PREX1: variants seen among roughly 807,000 people sequenced by gnomAD.
PREX1 encodes phosphatidylinositol-3,4,5-trisphosphate dependent Rac exchange factor 1, also known as phosphatidylinositol 3,4,5-trisphosphate-dependent Rac exchanger 1 protein.
In PREX1, 41 loss-of-function variants were observed where a neutral mutation model predicts 198.3. The ratio of observed to expected loss-of-function variants is 0.21; its 90% confidence interval spans 0.16 to 0.27. The LOEUF (loss-of-function observed/expected upper bound fraction) is 0.27. PREX1 is among the 10% of genes least tolerant of loss of function. The pLI, the probability that PREX1 is intolerant of heterozygous loss-of-function variation, is 1.00. For missense variants in PREX1, 1,620 were observed against 2,200.7 expected (o/e 0.74, Z 5.28); for synonymous variants, 843 against 887.2 (o/e 0.95, Z 0.89).
chr20:48,828,434 C>T (rs1197498066), upstream of PREX1, among the ~76,000 whole-genome samples: 2 of 152,262 alleles, frequency 1.3e-5, no homozygotes, highest in Admixed American at 6.5e-5. Flanking sequence ...CAAGTAAACA[C>T]CGGGCTGGGA....
chr20:48,665,596 C>G (rs901353458), intron 15 of PREX1, among the ~76,000 whole-genome samples: 1 of 152,128 alleles, frequency 6.6e-6, no homozygotes, highest in Non-Finnish European at 1.5e-5. Flanking sequence ...GCTTCTATAC[C>G]CTCATCTATA....
Position 48,691,127 on chromosome 20 carries a change from G to A in PREX1, c.1037-31C>T, listed in dbSNP as rs771671599. 1 of 1,614,002 alleles carries A rather than the reference G, an allele frequency of 6.2e-7. No homozygotes were observed. The highest frequency in any genetic ancestry group is 1.1e-5 in the South Asian group (1 of 91,066). ...GGGGGCAGGAGGCAAAGGTGCAGCA[G>A]AGACTCAGCCGCGTGACCTTCAACA... On this transcript the variant is annotated intron_variant, in intron 8 of 39. Coordinates refer to ENST00000371941, the MANE Select transcript of PREX1 (RefSeq NM_020820.4). This position sits in a 1 kb window ranked among gnomAD's most constrained non-coding sequence, Gnocchi z 5.0.
intron 1 of PREX1, among the ~76,000 whole-genome samples, chr20:48,766,177 C>T (rs753730637): frequency 1.3e-5 from 2 of 152,120 alleles, no homozygotes; most frequent in Non-Finnish European, 2.9e-5. Context: ...ATAATAGAAA[C>T]AAAGTATACA....
intron 1 of PREX1, among the ~76,000 whole-genome samples, chr20:48,781,703 G>A (rs2090290568): frequency 6.6e-6 from 1 of 152,154 alleles, no homozygotes; most frequent in Non-Finnish European, 1.5e-5. Context: ...ACTCACTGTG[G>A]AATCCTGGGT....
intron 19 of PREX1, 45 bp from the exon 20 acceptor site, chr20:48,653,542 A>G: frequency 6.3e-7 from 1 of 1,581,568 alleles, no homozygotes; most frequent in East Asian, 2.3e-5. Context: ...AGGCAAGTAC[A>G]AGCAGCCCGC....
chr20:48,850,660 A>G, the PREX1 span, among the ~76,000 whole-genome samples: 1 of 152,056 alleles, frequency 6.6e-6, no homozygotes, highest in Admixed American at 6.5e-5. Flanking sequence ...AAGAGGGGAA[A>G]CTTATTTCAA....
chr20:48,642,070 C>A (rs536448540), intron 29 of PREX1, 98 bp downstream of exon 29: 1 of 1,255,190 alleles, frequency 8.0e-7, no homozygotes, highest in African/African-American at 1.5e-5. Flanking sequence ...AGTCGTTCAG[C>A]AGTAGGAGGG....
intron 5 of PREX1, among the ~76,000 whole-genome samples, chr20:48,719,326 AG>A (rs1487241073): frequency 6.6e-6 from 1 of 152,092 alleles, no homozygotes; most frequent in African/African-American, 2.4e-5. Context: ...CTCCCCAACA[AG>A]GGGTGTCCCG....
At chr20:48,657,331 T>C (rs2089552897) in intron 17 of PREX1, 143 bp from the exon 18 acceptor site, 3 of 1,048,440 alleles carry the variant, frequency 2.9e-6, no homozygotes, top group Non-Finnish European at 4.1e-6. Context: ...CTGTCTGTGG[T>C]AAGCAGTTGA....
intron 18 of PREX1, among the ~76,000 whole-genome samples, chr20:48,655,655 T>G (rs1015824632): frequency 2.0e-5 from 3 of 152,070 alleles, no homozygotes; most frequent in Admixed American, 6.5e-5. Flanking sequence ...CTCCCACACC[T>G]CCATCATTCT....
chr20:48,700,938 TC>T (rs1307050975), intron 6 of PREX1, 52 bp from the exon 7 acceptor site: 1 of 1,609,878 alleles, frequency 6.2e-7, no homozygotes, highest in Non-Finnish European at 8.5e-7. Context: ...AACATCCCCT[TC>T]CTTTCCCAGA....
chr20:48,752,254 A>C (rs1040739018), intron 1 of PREX1, among the ~76,000 whole-genome samples: 1 of 152,220 alleles, frequency 6.6e-6, no homozygotes, highest in South Asian at 2.1e-4. Context: ...ATTCCCACGC[A>C]TGCCTCTGCC....
In PREX1 at chr20:48,632,315, C is replaced by T. The variant is rs541445508; in HGVS notation, c.4488G>A (p.Gln1496=). The T allele has an allele frequency of 6.2e-7, 1 of 1,614,148 alleles. No individual in the cohort carries two copies. The highest frequency in any genetic ancestry group is 2.2e-5 in the East Asian group (1 of 44,870). ...AATACTGCTGAACTTTCTCCAGGGA[C>T]TGCGCGTTGATGTCCTGCTGCAAAT... The part of the protein sequence containing the change: ...AEDLQQDINA[Q]SLEKVQQYYR... The change falls in exon 35 of 40, where the codon CAG becomes CAA. Residue 1496 remains glutamine, a synonymous_variant. Transcript: ENST00000371941.
intron 1 of PREX1, among the ~76,000 whole-genome samples, chr20:48,824,542 CAA>C (rs2090500505): frequency 1.3e-5 from 2 of 152,202 alleles, no homozygotes; most frequent in Non-Finnish European, 2.9e-5. Context: ...CCTACAACAA[CAA>C]TAATAACCAA....
intron 1 of PREX1, among the ~76,000 whole-genome samples, chr20:48,820,256 A>G (rs2090478642): frequency 6.6e-6 from 1 of 152,220 alleles, no homozygotes; most frequent in African/African-American, 2.4e-5. Context: ...CTTCCTTGGG[A>G]CTTCCTCCGG....
At chr20:48,759,575 A>G (rs2090170412) in intron 1 of PREX1, among the ~76,000 whole-genome samples, 1 of 151,376 alleles carries the variant, frequency 6.6e-6, no homozygotes, top group African/African-American at 2.4e-5. Context: ...AAAAGAAAAG[A>G]AAGAAAAAAA....
At chr20:48,676,110 A>G in intron 14 of PREX1, 83 bp downstream of exon 14, 1 of 1,393,080 alleles carries the variant, frequency 7.2e-7, no homozygotes, top group Non-Finnish European at 1.0e-6. Flanking sequence ...AAGCAATAAG[A>G]AAAAATCTTT....
intron 3 of PREX1, among the ~76,000 whole-genome samples, chr20:48,741,706 A>AGGGCAGGAGTGCAGCAACTT (rs2090082943): frequency 1.3e-5 from 2 of 152,218 alleles, no homozygotes; most frequent in Admixed American, 1.3e-4. Context: ...GGGGCGCGGA[A>AGGGCAGGAGTGCAGCAACTT]GGGCAGGAGT....
the PREX1 span, among the ~76,000 whole-genome samples, chr20:48,853,230 A>C: frequency 6.6e-6 from 1 of 152,254 alleles, no homozygotes; most frequent in Non-Finnish European, 1.5e-5. Flanking sequence ...AGACCATCAG[A>C]AAAGCTGAGC....
Sources: allele counts gnomAD v4.1 joint callset (sites outside exome capture counted in the v4.1 genomes callset), GRCh38; gene constraint gnomAD v4.1.1; non-coding constraint Gnocchi (gnomAD v3.1); transcripts MANE v1.5; gene names NCBI Gene and HGNC (gene_info 2026-07-23, HGNC 2026-07-21).